Variants in BTRC observed in about 807,000 individuals in gnomAD.
BTRC encodes beta-transducin repeat containing E3 ubiquitin protein ligase.
Under a neutral mutation model 85.5 loss-of-function variants are expected in BTRC, and 42 were observed. The observed-to-expected ratio is 0.49, with a 90% CI of 0.38 to 0.64. The LOEUF is 0.64. Ranked by LOEUF, BTRC falls within the 30% of genes least tolerant of loss-of-function variation. The pLI is 0.00. For synonymous variants in BTRC, 255 were observed against 263.3 expected, an observed-to-expected ratio of 0.97 and a Z score of 0.30; for missense variants, 594 against 743.5, an observed-to-expected ratio of 0.80 and a Z score of 2.34.
Position 101,383,542 on chromosome 10 carries a change from C to T in BTRC, c.48+29314C>T, listed in dbSNP as rs542783331. Among the ~76,000 whole-genome samples, 9 of 152,026 alleles carry T rather than the reference C, an allele frequency of 5.9e-5. No individual in the cohort carries two copies. In the South Asian group the frequency reaches 1.9e-3, roughly 32 times the overall value. On this transcript the variant is annotated intron_variant, in intron 1 of 14. Coordinates refer to ENST00000370187, the MANE Select transcript of BTRC (RefSeq NM_033637.4). ...CTTTCTTCCTTTCTTTCCTTCTTTC[C>T]AGGCTGGAGTGCAGTGGTTCGATCC...
At chr10:101,527,211 G>T (rs1174467706) in intron 6 of BTRC, among the ~76,000 whole-genome samples, 1 of 152,098 alleles carries the variant, frequency 6.6e-6, no homozygotes, top group African/African-American at 2.4e-5. Flanking sequence ...TAAAAGTAGA[G>T]AACACTTTTA....
chr10:101,497,107 G>A (rs1426260513), intron 4 of BTRC, among the ~76,000 whole-genome samples: 2 of 152,126 alleles, frequency 1.3e-5, no homozygotes, highest in Non-Finnish European at 2.9e-5. Flanking sequence ...GTAGAGGTGA[G>A]AATTCTTTGT....
chr10:101,404,455 T>C, intron 1 of BTRC, among the ~76,000 whole-genome samples: 1 of 152,308 alleles, frequency 6.6e-6, no homozygotes, highest in East Asian at 1.9e-4. Flanking sequence ...ATTTTTGCGT[T>C]ATATCCTTGG....
intron 13 of BTRC, among the ~76,000 whole-genome samples, chr10:101,538,587 A>G (rs1361329805): frequency 6.6e-6 from 1 of 152,204 alleles, no homozygotes; most frequent in Admixed American, 6.5e-5. Flanking sequence ...GAAATGTGGC[A>G]GCTGTTTAAC....
At chr10:101,528,940 C>T (rs1302277459) in intron 6 of BTRC, among the ~76,000 whole-genome samples, 1 of 152,180 alleles carries the variant, frequency 6.6e-6, no homozygotes, top group Non-Finnish European at 1.5e-5. Flanking sequence ...ATTTGACAGT[C>T]TTCCCCTGGG....
chr10:101,417,439 G>A (rs1273556613), intron 1 of BTRC, among the ~76,000 whole-genome samples: 7 of 152,170 alleles, frequency 4.6e-5, no homozygotes, highest in Non-Finnish European at 5.9e-5. Flanking sequence ...ATCTTCGACA[G>A]GAATATCACA....
chr10:101,531,124 T>G (rs2062274017), intron 6 of BTRC, 113 bp from the exon 7 acceptor site: 1 of 818,086 alleles, frequency 1.2e-6, no homozygotes, highest in African/African-American at 1.8e-5. Context: ...TGAGCCAACA[T>G]CACACTGCTG....
intron 4 of BTRC, among the ~76,000 whole-genome samples, chr10:101,486,908 C>CG (rs1946004276): frequency 6.6e-6 from 1 of 152,214 alleles, no homozygotes; most frequent in Admixed American, 6.5e-5. Flanking sequence ...GTTTAAATCT[C>CG]AGCTTGTTTG....
intron 1 of BTRC, among the ~76,000 whole-genome samples, chr10:101,379,191 A>C (rs1310957368): frequency 6.6e-6 from 1 of 152,216 alleles, no homozygotes; most frequent in East Asian, 1.9e-4. Context: ...TCAGAGTTTG[A>C]AAGTAGAAAC....
At chr10:101,419,860 A>G (rs1240751825) in intron 1 of BTRC, among the ~76,000 whole-genome samples, 1 of 152,146 alleles carries the variant, frequency 6.6e-6, no homozygotes, top group Admixed American at 6.5e-5. Flanking sequence ...TGTCTCTGTC[A>G]TTCATTGAGC....
At chr10:101,417,510 A>G (rs900676999) in intron 1 of BTRC, among the ~76,000 whole-genome samples, 2 of 152,200 alleles carry the variant, frequency 1.3e-5, no homozygotes, top group African/African-American at 2.4e-5. Context: ...ATTTCTTCCA[A>G]TATTAGTGAT....
At position 101,522,355 on chromosome 10, in the gene BTRC, AAAAAAAAAAAACAAAAAAAAAC is replaced by A. The variant is rs1278815389; in HGVS notation, c.556+497_556+518del. Among the ~76,000 whole-genome samples the A allele has an allele frequency of 3.4e-5, 3 of 89,004 alleles. 1 individual carries two copies. Among genetic ancestry groups the A allele is most frequent in the Non-Finnish European group, 7.0e-5 (3 of 42,560 alleles). 58.4% of individuals were successfully genotyped at this position (89,004 alleles called of 152,430 possible). ...ACGCCCAGCTGGTATAAAGCTTTAAAAAAAAAAAAAACAAAAAAAAACAAAAAAAAAAAAACTCTAGAAATAA... is the reference window on the plus strand; with the variant it reads ...ACGCCCAGCTGGTATAAAGCTTTAAAAAAAAAAAAAAAACTCTAGAAATAA... On this transcript the variant is annotated intron_variant, in intron 5 of 14. Transcript: ENST00000370187.
chr10:101,543,509 ATGTTT>A (rs565924115), intron 13 of BTRC, among the ~76,000 whole-genome samples: 38 of 141,004 alleles, frequency 2.7e-4, no homozygotes, highest in African/African-American at 9.8e-4. Context: ...TGCCTTTGTC[ATGTTT>A]AGACCATTTA....
chr10:101,427,191 C>G (rs1469916767), intron 1 of BTRC, among the ~76,000 whole-genome samples: 1 of 143,582 alleles, frequency 7.0e-6, no homozygotes, highest in African/African-American at 2.6e-5. Context: ...AATCTCAGCT[C>G]ACTGCAACCT....
At chr10:101,531,137 C>T (rs1219872555) in intron 6 of BTRC, 100 bp from the exon 7 acceptor site, 1 of 1,002,078 alleles carries the variant, frequency 1.0e-6, no homozygotes, top group Non-Finnish European at 1.5e-6. Flanking sequence ...CACTGCTGCA[C>T]TCCAGCCTGG....
At chr10:101,552,702 G>A (rs1011516635) in intron 14 of BTRC, among the ~76,000 whole-genome samples, 2 of 152,110 alleles carry the variant, frequency 1.3e-5, no homozygotes, top group Non-Finnish European at 2.9e-5. Context: ...ATCCTCAACT[G>A]CACTGTCCCC....
intron 3 of BTRC, among the ~76,000 whole-genome samples, chr10:101,470,957 G>T (rs868760631): frequency 3.9e-5 from 6 of 152,042 alleles, no homozygotes; most frequent in African/African-American, 1.4e-4. Flanking sequence ...TGAAGAAAAC[G>T]TTGCTGCTGG....
At chr10:101,361,670 A>G (rs1285772487) in intron 1 of BTRC, among the ~76,000 whole-genome samples, 1 of 152,208 alleles carries the variant, frequency 6.6e-6, no homozygotes, top group Admixed American at 6.5e-5. Context: ...ATTTCTGGAT[A>G]ATTAGAATAG....
chr10:101,411,834 A>G (rs1943788525), intron 1 of BTRC, among the ~76,000 whole-genome samples: 1 of 151,954 alleles, frequency 6.6e-6, no homozygotes, highest in South Asian at 2.1e-4. Flanking sequence ...ATTTTTGAAT[A>G]TTTGTATTTT....
Sources: gnomAD v4.1 joint callset for allele counts (sites outside exome capture counted in the v4.1 genomes callset) on GRCh38, gnomAD v4.1.1 for gene constraint, MANE v1.5 for transcripts, NCBI Gene and HGNC (gene_info 2026-07-23, HGNC 2026-07-21) for gene names.